KANK1: variants seen among roughly 807,000 people sequenced by gnomAD.
KANK1 encodes KN motif and ankyrin repeat domain-containing protein 1.
A neutral mutation model predicts 106.2 loss-of-function variants in KANK1; 109 were observed. The observed-to-expected ratio is 1.03, with a 90% CI of 0.88 to 1.20. The LOEUF (loss-of-function observed/expected upper bound fraction) is 1.20, where lower values mean the gene tolerates loss of function less well. KANK1 is among the 50% of genes most tolerant of loss of function. The pLI is 0.00. For synonymous variants in KANK1, 873 were observed against 652.2 expected (o/e 1.34, Z -5.16); for missense variants, 2,399 against 1,710.7 (o/e 1.40, Z -7.10).
intron 1 of KANK1, among the ~76,000 whole-genome samples, chr9:573,039 G>A (rs948910328): frequency 2.0e-5 from 3 of 152,084 alleles, no homozygotes; most frequent in African/African-American, 4.8e-5. Flanking sequence ...ATTTGAGCTG[G>A]TGTAAATTGT....
chr9:510,129 T>A (rs745744777), intron 1 of KANK1, among the ~76,000 whole-genome samples: 1 of 152,144 alleles, frequency 6.6e-6, no homozygotes, highest in Non-Finnish European at 1.5e-5. Context: ...ATCTTTAAAT[T>A]GCTAATATGT....
At chr9:739,590 G>A (rs990678066) in intron 8 of KANK1, among the ~76,000 whole-genome samples, 1 of 152,188 alleles carries the variant, frequency 6.6e-6, no homozygotes, top group African/African-American at 2.4e-5. Flanking sequence ...TGGTGATACA[G>A]TCAGCCAGAG....
chr9:632,511 A>G (rs1563896527), intron 1 of KANK1, among the ~76,000 whole-genome samples: 1 of 152,172 alleles, frequency 6.6e-6, no homozygotes, highest in Non-Finnish European at 1.5e-5. Flanking sequence ...TGGAGGTTTT[A>G]TGAAAAATAA....
At chr9:528,329 A>T (rs529845244) in intron 1 of KANK1, among the ~76,000 whole-genome samples, 3 of 151,864 alleles carry the variant, frequency 2.0e-5, no homozygotes, top group African/African-American at 7.2e-5. Context: ...GCATTTTCTA[A>T]TGTTGGTGGT....
At chr9:479,275 A>G (rs1283576983) in intron 3 of KANK1, among the ~76,000 whole-genome samples, 2 of 152,228 alleles carry the variant, frequency 1.3e-5, no homozygotes, top group Non-Finnish European at 2.9e-5. Flanking sequence ...CAAGTATCAT[A>G]AAGCCAATTC....
At chr9:634,932 C>A (rs968443677) in intron 1 of KANK1, among the ~76,000 whole-genome samples, 1 of 152,208 alleles carries the variant, frequency 6.6e-6, no homozygotes, top group African/African-American at 2.4e-5. Flanking sequence ...GGCAAAATGG[C>A]TACAGAAGTG....
Position 713,476 on chromosome 9 carries a change from C to G in KANK1, c.2698+12C>G. The G allele has an allele frequency of 6.5e-7, 1 of 1,538,674 alleles. No individual in the cohort carries two copies. The highest frequency in any genetic ancestry group is 8.7e-7 in the Non-Finnish European group (1 of 1,146,030). On this transcript the variant is annotated intron_variant, in intron 3 of 11. Coordinates refer to ENST00000382297, the MANE Select transcript of KANK1 (RefSeq NM_015158.5). The stretch of plus-strand genomic sequence containing the variant: ...GGGTAAAATCACAGGTAGGTGGTAC[C>G]CTGAGGACCTGGGAATGAGGAAGGA...
chr9:638,269 A>C (rs746745818), intron 1 of KANK1, among the ~76,000 whole-genome samples: 2 of 152,224 alleles, frequency 1.3e-5, no homozygotes, highest in Non-Finnish European at 2.9e-5. Flanking sequence ...GAGGCTGAGA[A>C]GTCCAAGATC....
At chr9:517,517 A>G (rs2059336647) in intron 1 of KANK1, among the ~76,000 whole-genome samples, 2 of 151,768 alleles carry the variant, frequency 1.3e-5, no homozygotes, top group South Asian at 2.1e-4. Flanking sequence ...ACAAAAGCCT[A>G]CTGTTAGGAT....
At chr9:479,456 C>T (rs571931315) in intron 3 of KANK1, among the ~76,000 whole-genome samples, 26 of 152,272 alleles carry the variant, frequency 1.7e-4, no homozygotes, top group Admixed American at 1.5e-3. Context: ...ATGTATTAGG[C>T]ATTTGGCCAT....
intron 1 of KANK1, among the ~76,000 whole-genome samples, chr9:598,222 A>G (rs1194294482): frequency 7.2e-5 from 11 of 151,766 alleles, no homozygotes; most frequent in Non-Finnish European, 1.3e-4. Context: ...TGGTCCATAT[A>G]TTTATCCCTA....
chr9:688,988 A>G (rs1210143840), intron 2 of KANK1, among the ~76,000 whole-genome samples: 1 of 152,100 alleles, frequency 6.6e-6, no homozygotes, highest in African/African-American at 2.4e-5. Flanking sequence ...GTGTGAGGAG[A>G]TAAATAGTCC....
intron 1 of KANK1, among the ~76,000 whole-genome samples, chr9:637,193 C>A (rs545509230): frequency 6.6e-6 from 1 of 152,188 alleles, no homozygotes; most frequent in Admixed American, 6.5e-5. Context: ...CTCAAGTTTG[C>A]TATTCCCAGG....
At chr9:568,423 G>C (rs1416640307) in intron 1 of KANK1, among the ~76,000 whole-genome samples, 1 of 152,186 alleles carries the variant, frequency 6.6e-6, no homozygotes, top group Non-Finnish European at 1.5e-5. Flanking sequence ...GGCAGTGGAT[G>C]TATTTATGTG....
intron 1 of KANK1, among the ~76,000 whole-genome samples, chr9:517,765 G>T (rs1306293746): frequency 7.1e-6 from 1 of 141,450 alleles, no homozygotes; most frequent in Non-Finnish European, 1.5e-5. Flanking sequence ...TTGAGACAGA[G>T]TCTCGCTCTG....
At chr9:566,778 A>G (rs1403684667) in intron 1 of KANK1, among the ~76,000 whole-genome samples, 1 of 152,168 alleles carries the variant, frequency 6.6e-6, no homozygotes, top group Admixed American at 6.5e-5. Context: ...TAGTTTGCCA[A>G]AATTTTCTCC....
chr9:545,722 G>A (rs2060885199), intron 1 of KANK1, among the ~76,000 whole-genome samples: 1 of 128,014 alleles, frequency 7.8e-6, no homozygotes. Context: ...CCTGTACAGA[G>A]CCTTTTTTTT....
intron 2 of KANK1, among the ~76,000 whole-genome samples, chr9:696,368 T>C (rs1223878345): frequency 2.0e-5 from 3 of 152,016 alleles, no homozygotes; most frequent in African/African-American, 4.8e-5. Context: ...GCTTGCTAAC[T>C]GTAACACAGT....
chr9:473,968 G>GC (rs2058063388), intron 3 of KANK1, among the ~76,000 whole-genome samples: 1 of 152,122 alleles, frequency 6.6e-6, no homozygotes, highest in African/African-American at 2.4e-5. Context: ...AAAGTTCTGG[G>GC]ATTATAGGTG....
Sources: gnomAD v4.1 joint callset for allele counts (sites outside exome capture counted in the v4.1 genomes callset) on GRCh38, gnomAD v4.1.1 for gene constraint, MANE v1.5 for transcripts, NCBI Gene and HGNC (gene_info 2026-07-23, HGNC 2026-07-21) for gene names.